The following KCNB2 variants were observed in gnomAD, a reference collection of about 807,000 sequenced individuals.
KCNB2 encodes the protein delayed rectifier potassium channel protein.
In KCNB2, 15 loss-of-function variants were observed where a neutral mutation model predicts 61.5. The observed-to-expected ratio is 0.24, with a 90% CI of 0.16 to 0.38. The LOEUF (loss-of-function observed/expected upper bound fraction) is 0.38. Among genes scored for constraint, KCNB2 ranks in the 10% least tolerant of loss-of-function variants. The pLI, the probability that KCNB2 is intolerant of heterozygous loss-of-function variation, is 1.00. For missense variants in KCNB2, 828 were observed against 1,125.2 expected (o/e 0.74, Z 3.78); for synonymous variants, 457 against 446.0 (o/e 1.02, Z -0.31).
chr8:72,539,892 G>A (rs184037301), intron 1 of KCNB2, among the ~76,000 whole-genome samples: 6 of 152,066 alleles, frequency 3.9e-5, no homozygotes, highest in African/African-American at 1.2e-4. Context: ...TAGGCAATAG[G>A]GCAACTTCCT....
intron 2 of KCNB2, among the ~76,000 whole-genome samples, chr8:72,895,342 TG>T (rs1805974030): frequency 6.6e-6 from 1 of 152,124 alleles, no homozygotes; most frequent in East Asian, 1.9e-4. Context: ...TGTAGAAAGA[TG>T]GAGTTATGGA....
intron 2 of KCNB2, among the ~76,000 whole-genome samples, chr8:72,851,654 C>T (rs142855643): frequency 1.3e-3 from 201 of 152,050 alleles, no homozygotes; most frequent in Non-Finnish European, 2.1e-3. Context: ...TTCCACTGCT[C>T]TAAACTGTCC....
At chr8:72,927,019 A>G (rs1806663414) in intron 2 of KCNB2, among the ~76,000 whole-genome samples, 1 of 152,186 alleles carries the variant, frequency 6.6e-6, no homozygotes, top group East Asian at 1.9e-4. Flanking sequence ...GTTAAAACAC[A>G]GATTGCTGGG....
At chr8:72,930,020 A>G (rs534997196) in intron 2 of KCNB2, among the ~76,000 whole-genome samples, 156 of 138,434 alleles carry the variant, frequency 1.1e-3, no homozygotes, top group African/African-American at 3.0e-3. Flanking sequence ...TCATTGTTCA[A>G]TTCCCACCTA....
At chr8:72,896,294 T>C (rs1805987631) in intron 2 of KCNB2, among the ~76,000 whole-genome samples, 1 of 152,298 alleles carries the variant, frequency 6.6e-6, no homozygotes, top group East Asian at 1.9e-4. Context: ...ACACTGGGAA[T>C]TATTGTGGAT....
At chr8:72,833,472 A>C (rs1339370020) in intron 2 of KCNB2, among the ~76,000 whole-genome samples, 5 of 152,308 alleles carry the variant, frequency 3.3e-5, no homozygotes, top group South Asian at 4.1e-4. Flanking sequence ...GTGACTTCAT[A>C]ATCAGGCAGA....
At chr8:72,673,003 A>G (rs1345862391) in intron 2 of KCNB2, among the ~76,000 whole-genome samples, 1 of 152,226 alleles carries the variant, frequency 6.6e-6, no homozygotes, top group East Asian at 1.9e-4. Context: ...TTAAAGAGTT[A>G]AACATAACAT....
chr8:72,568,233 T>C lies in KCNB2; in HGVS notation c.499T>C (p.Phe167Leu). ...ETMREREGEE[F>L]DNTCCPDKRK... ...TATGCGAGAGCGAGAAGGAGAAGAG[T>C]TTGATAATACCTGCTGCCCTGATAA... is the stretch of plus-strand genomic sequence containing the variant. The change falls in exon 2 of 3, where the codon TTT (phenylalanine) becomes CTT (leucine). Residue 167 changes from phenylalanine (F) to leucine (L), a missense_variant. Phe to Leu is a conservative substitution (Grantham distance 22). This residue lies in a region of KCNB2 where 163 missense variants were observed against 314.4 expected (regional missense o/e 0.52). Transcript: ENST00000523207. The C allele has an allele frequency of 6.2e-7, 1 of 1,613,526 alleles. No individual in the cohort carries two copies.
At chr8:72,588,004 G>C (rs1280167151) in intron 2 of KCNB2, among the ~76,000 whole-genome samples, 1 of 151,976 alleles carries the variant, frequency 6.6e-6, no homozygotes, top group East Asian at 1.9e-4. Context: ...TATGCTCCTT[G>C]TGCACTGTTT....
chr8:72,676,130 TGC>T (rs1563556342), intron 2 of KCNB2, among the ~76,000 whole-genome samples: 7 of 152,194 alleles, frequency 4.6e-5, no homozygotes, highest in African/African-American at 1.7e-4. Context: ...TTTTCACATA[TGC>T]ATGGAACTTC....
chr8:72,759,148 T>G (rs1464846115), intron 2 of KCNB2, among the ~76,000 whole-genome samples: 1 of 152,182 alleles, frequency 6.6e-6, no homozygotes, highest in Non-Finnish European at 1.5e-5. Context: ...AGAACCTTGC[T>G]TATTTTAATC....
intron 2 of KCNB2, among the ~76,000 whole-genome samples, chr8:72,870,407 G>A (rs1443782522): frequency 1.3e-5 from 2 of 152,098 alleles, no homozygotes; most frequent in African/African-American, 4.8e-5. Context: ...AGAAAAATAT[G>A]AATATAATTC....
chr8:72,721,070 C>T (rs2247563), intron 2 of KCNB2, among the ~76,000 whole-genome samples: 110,188 of 152,170 alleles, frequency 0.72, 41,153 homozygotes, highest in African/African-American at 0.9. Context: ...AACTCCAAAT[C>T]TGGACTTTGT....
intron 1 of KCNB2, among the ~76,000 whole-genome samples, chr8:72,538,267 A>G (rs533218518): frequency 6.6e-6 from 1 of 152,188 alleles, no homozygotes; most frequent in Non-Finnish European, 1.5e-5. Flanking sequence ...CTCAGAACAC[A>G]GAGACATGCG....
chr8:72,790,232 T>A (rs1462960248), intron 2 of KCNB2, among the ~76,000 whole-genome samples: 1 of 152,006 alleles, frequency 6.6e-6, no homozygotes, highest in Non-Finnish European at 1.5e-5. Context: ...CAAGTCAAGG[T>A]AGTAAATGAA....
intron 2 of KCNB2, among the ~76,000 whole-genome samples, chr8:72,748,097 A>C (rs979005528): frequency 2.0e-5 from 3 of 152,226 alleles, no homozygotes; most frequent in Non-Finnish European, 4.4e-5. Flanking sequence ...AAGGCAAAGA[A>C]GGAGTAAATA....
At chr8:72,893,553 C>A (rs569103007) in intron 2 of KCNB2, among the ~76,000 whole-genome samples, 142 of 152,244 alleles carry the variant, frequency 9.3e-4, no homozygotes, top group Non-Finnish European at 8.2e-4. Context: ...ATGTGCATCA[C>A]CATATTCAAT....
At chr8:72,782,647 A>C (rs928352844) in intron 2 of KCNB2, among the ~76,000 whole-genome samples, 2 of 152,084 alleles carry the variant, frequency 1.3e-5, no homozygotes, top group Non-Finnish European at 2.9e-5. Context: ...TAAGCTATCC[A>C]TTCTAAGTGG....
chr8:72,885,451 G>A (rs76689067), intron 2 of KCNB2, among the ~76,000 whole-genome samples: 331 of 152,154 alleles, frequency 2.2e-3, no homozygotes, highest in African/African-American at 6.8e-3. Context: ...GGTAAGCTTA[G>A]CCTTTTGATT....
Sources: gnomAD v4.1 joint callset for allele counts (sites outside exome capture counted in the v4.1 genomes callset) on GRCh38, gnomAD v4.1.1 for gene constraint, gnomAD v4.1.1 regional missense constraint, MANE v1.5 for transcripts, NCBI Gene and HGNC (gene_info 2026-07-23, HGNC 2026-07-21) for gene names.